The following RIMS1 variants were observed in gnomAD, a reference collection of about 807,000 sequenced individuals.
The protein encoded by RIMS1 is regulating synaptic membrane exocytosis protein 1.
RIMS1 carries 83 observed loss-of-function variants against 214.1 expected under a neutral mutation model. The observed-to-expected ratio is 0.39, with a 90% CI of 0.32 to 0.47. RIMS1 has a LOEUF of 0.47. RIMS1 is among the 20% of genes least tolerant of loss of function. RIMS1 has a pLI of 0.99. For missense variants in RIMS1, 2,050 were observed against 2,161.8 expected (o/e 0.95, Z 1.03); for synonymous variants, 793 against 786.8 (o/e 1.01, Z -0.13).
At chr6:72,161,394 C>G (rs573291113) in intron 4 of RIMS1, among the ~76,000 whole-genome samples, 1 of 140,270 alleles carries the variant, frequency 7.1e-6, no homozygotes, top group Admixed American at 7.3e-5. Flanking sequence ...TCCTTCAGTT[C>G]TGCTCTGATC....
intron 4 of RIMS1, among the ~76,000 whole-genome samples, chr6:72,169,669 T>A (rs2463736): frequency 6.6e-6 from 1 of 152,294 alleles, no homozygotes; most frequent in East Asian, 1.9e-4. Flanking sequence ...TTTCGGAGGC[T>A]AAGGCGGGCA....
At chr6:72,120,881 T>G (rs999399685) in intron 4 of RIMS1, among the ~76,000 whole-genome samples, 11 of 151,964 alleles carry the variant, frequency 7.2e-5, no homozygotes, top group Non-Finnish European at 1.2e-4. Context: ...AGCTAGCCAG[T>G]TTTCCCAGCA....
chr6:71,984,899 A>G (rs939389259), intron 2 of RIMS1, among the ~76,000 whole-genome samples: 2 of 151,970 alleles, frequency 1.3e-5, no homozygotes, highest in Non-Finnish European at 2.9e-5. Context: ...AAAGTCCAAC[A>G]TCCTCCCCTT....
intron 2 of RIMS1, among the ~76,000 whole-genome samples, chr6:72,090,563 T>C (rs1290857756): frequency 6.6e-6 from 1 of 152,016 alleles, no homozygotes; most frequent in Non-Finnish European, 1.5e-5. Flanking sequence ...AGCTCCTCTA[T>C]TATAGAGTGG....
chr6:72,068,632 A>G (rs772075760), intron 2 of RIMS1, among the ~76,000 whole-genome samples: 5 of 152,306 alleles, frequency 3.3e-5, no homozygotes, highest in African/African-American at 4.8e-5. Context: ...ATAGGAATTT[A>G]TGAGGTGCTG....
chr6:72,108,970 G>T (rs1028081626), intron 4 of RIMS1, among the ~76,000 whole-genome samples: 1 of 150,650 alleles, frequency 6.6e-6, no homozygotes, highest in Non-Finnish European at 1.5e-5. Flanking sequence ...TTGTTCTTGC[G>T]ATAGTTTACT....
At chr6:72,313,471 G>A in intron 27 of RIMS1, 35 bp from the exon 28 acceptor site, 1 of 1,594,720 alleles carries the variant, frequency 6.3e-7, no homozygotes, top group Non-Finnish European at 8.6e-7. Flanking sequence ...ATTGTCTAAT[G>A]ATGGAGCTCA....
intron 1 of RIMS1, among the ~76,000 whole-genome samples, chr6:71,889,832 A>T (rs1769057431): frequency 6.6e-6 from 1 of 152,244 alleles, no homozygotes; most frequent in Admixed American, 6.5e-5. Context: ...TTGTTACATC[A>T]GAGAAAAGTT....
At chr6:72,253,825 T>C (rs2074548896) in intron 16 of RIMS1, among the ~76,000 whole-genome samples, 1 of 151,950 alleles carries the variant, frequency 6.6e-6, no homozygotes, top group African/African-American at 2.4e-5. Context: ...TAAAATCAGG[T>C]TTCATTTGTT....
intron 6 of RIMS1, among the ~76,000 whole-genome samples, chr6:72,194,267 C>A (rs1272953746): frequency 6.6e-6 from 1 of 151,812 alleles, no homozygotes; most frequent in Admixed American, 6.6e-5. Flanking sequence ...ATTTTTGAAT[C>A]TCAGGTGGGG....
In RIMS1 at chr6:72,401,943, G is replaced by GA. The variant is rs376547864; in HGVS notation, c.*1233dup. ...TGCAAAGTATCTTACTTTTTGGGGGGAAAATAAACAAAATGAACTTTCAAT... is the reference window on the plus strand; with the variant it reads ...TGCAAAGTATCTTACTTTTTGGGGGGAAAAATAAACAAAATGAACTTTCAAT... On this transcript the variant is annotated 3_prime_UTR_variant, in exon 34 of 34. Coordinates refer to ENST00000521978, the MANE Select transcript of RIMS1 (RefSeq NM_014989.7). 4.6e-5 allele frequency: 7 copies of GA among 152,674 alleles called. No homozygotes were observed. Among genetic ancestry groups the GA allele is most frequent in the Non-Finnish European group, 8.8e-5 (6 of 68,016 alleles). The allele number at this position is 152,674 out of a possible 1,614,324, so 9.5% of individuals were successfully genotyped here. A position where few individuals can be genotyped will look rare whatever the true frequency, so the allele number is the denominator to read the frequency against.
chr6:72,073,452 T>A (rs1332571378), intron 2 of RIMS1, among the ~76,000 whole-genome samples: 2 of 152,180 alleles, frequency 1.3e-5, no homozygotes, highest in African/African-American at 4.8e-5. Context: ...TGAGATGAAT[T>A]CAAAATGTGA....
chr6:71,886,911 T>A lies in RIMS1; in HGVS notation c.-113T>A. The A allele has an allele frequency of 1.5e-6, 2 of 1,293,886 alleles. No homozygotes were observed. Among genetic ancestry groups the A allele is most frequent in the Non-Finnish European group, 2.1e-6 (2 of 935,774 alleles). The allele number at this position is 1,293,886 out of a possible 1,614,324, so 80.2% of individuals were successfully genotyped here. A position where few individuals can be genotyped will look rare whatever the true frequency, so the allele number is the denominator to read the frequency against. On this transcript the variant is annotated 5_prime_UTR_variant, in exon 1 of 34. Coordinates refer to ENST00000521978, the MANE Select transcript of RIMS1 (RefSeq NM_014989.7). Reference sequence around the variant, plus strand: ...CCGCCGCCGCCGCTGCTCCTCCTCCTGCCGCCGCCGCTAGGGCTCCGCTGT... The same window carrying A: ...CCGCCGCCGCCGCTGCTCCTCCTCCAGCCGCCGCCGCTAGGGCTCCGCTGT...
At chr6:72,027,203 G>A (rs545481976) in intron 2 of RIMS1, among the ~76,000 whole-genome samples, 4 of 151,942 alleles carry the variant, frequency 2.6e-5, no homozygotes, top group African/African-American at 4.8e-5. Flanking sequence ...TGGCTGCTAC[G>A]CAAACTCAAT....
intron 2 of RIMS1, among the ~76,000 whole-genome samples, chr6:72,087,340 C>G (rs1034993970): frequency 1.3e-5 from 2 of 152,134 alleles, no homozygotes; most frequent in Non-Finnish European, 1.5e-5. Context: ...GTGCCCTTCA[C>G]AGACATTTTA....
At chr6:71,997,195 A>G (rs992953604) in intron 2 of RIMS1, among the ~76,000 whole-genome samples, 2 of 152,190 alleles carry the variant, frequency 1.3e-5, no homozygotes, top group South Asian at 2.1e-4. Context: ...ACTTTTTCAT[A>G]TTAATGAAGA....
At chr6:72,332,170 G>A (rs2096682925) in intron 28 of RIMS1, among the ~76,000 whole-genome samples, 1 of 151,718 alleles carries the variant, frequency 6.6e-6, no homozygotes. Flanking sequence ...CACTGTTAAA[G>A]ATGCTATATC....
At chr6:72,271,286 A>ATAT (rs1554403465) in intron 22 of RIMS1, among the ~76,000 whole-genome samples, 25 of 44,368 alleles carry the variant, frequency 5.6e-4, no homozygotes, top group African/African-American at 7.4e-4. Flanking sequence ...AAAAAAAAAA[A>ATAT]ATATATATAT....
intron 4 of RIMS1, among the ~76,000 whole-genome samples, chr6:72,148,463 G>T (rs1012311137): frequency 2.0e-5 from 3 of 152,116 alleles, no homozygotes; most frequent in Non-Finnish European, 4.4e-5. Context: ...CCATCCATGG[G>T]TGCCAGTGTG....
Sources: allele counts gnomAD v4.1 joint callset (sites outside exome capture counted in the v4.1 genomes callset), GRCh38; gene constraint gnomAD v4.1.1; transcripts MANE v1.5; gene names NCBI Gene and HGNC (gene_info 2026-07-23, HGNC 2026-07-21).